TNFSF11: variants seen among roughly 807,000 people sequenced by gnomAD.
TNFSF11 encodes tumor necrosis factor ligand superfamily member 11.
A neutral mutation model predicts 32.2 loss-of-function variants in TNFSF11; 12 were observed. That is an observed-to-expected ratio of 0.37 (90% CI 0.24 to 0.60). The LOEUF (loss-of-function observed/expected upper bound fraction) is 0.60, where lower values mean the gene tolerates loss of function less well. Among genes scored for constraint, TNFSF11 ranks in the 20% least tolerant of loss-of-function variants. The pLI is 0.66. For synonymous variants in TNFSF11, 172 were observed against 152.1 expected, an observed-to-expected ratio of 1.13 and a Z score of -0.96; for missense variants, 345 against 398.0, an observed-to-expected ratio of 0.87 and a Z score of 1.13.
rs1399953510 is a variant in TNFSF11 at position 42,574,435 on chromosome 13, C to T, written c.132C>T (p.Ala44=). 6.2e-6 allele frequency: 10 copies of T among 1,604,856 alleles called. No homozygotes were observed. The highest frequency in any genetic ancestry group is 8.5e-6 in the Non-Finnish European group (10 of 1,178,566). ...CTGCGCCGCACCAGCCCCCTGCCGC[C>T]TCCCGCTCCATGTTCGTGGCCCTCC... ...PPPAPHQPPA[A]SRSMFVALLG... is the part of the protein sequence containing the mutation. The change falls in exon 1 of 5, where the codon GCC becomes GCT. Residue 44 remains alanine (A), a synonymous_variant. Coordinates refer to ENST00000398795, the MANE Select transcript of TNFSF11 (RefSeq NM_003701.4).
At chr13:42,570,834 C>A (rs78766370), upstream of TNFSF11, among the ~76,000 whole-genome samples, 1 of 152,136 alleles carries the variant, frequency 6.6e-6, no homozygotes, top group African/African-American at 2.4e-5. Context: ...TGCCTAAGAG[C>A]TTTCGCTGAC....
rs1358495097 is a variant in TNFSF11 at position 42,600,857 on chromosome 13, A to G, written c.434-26A>G. ...ACAGGGTCACTACTATTTTGGCTAT[A>G]ATAATATGGTTTCTCTCATCTCCAG... On this transcript the variant is annotated intron_variant, in intron 3 of 4. Coordinates refer to ENST00000398795, the MANE Select transcript of TNFSF11 (RefSeq NM_003701.4). 10 of 1,613,970 alleles carry G rather than the reference A, an allele frequency of 6.2e-6. 1 individual carries two copies. In the Admixed American group the frequency reaches 1.7e-4, roughly 27 times the overall value.
intron 2 of TNFSF11, among the ~76,000 whole-genome samples, chr13:42,588,213 T>C (rs1873991391): frequency 6.6e-6 from 1 of 152,096 alleles, no homozygotes; most frequent in Non-Finnish European, 1.5e-5. Flanking sequence ...ACCCACAGAG[T>C]TTTCCTACAA....
chr13:42,570,775 C>A (rs1396635066), upstream of TNFSF11, among the ~76,000 whole-genome samples: 1 of 152,108 alleles, frequency 6.6e-6, no homozygotes, highest in Non-Finnish European at 1.5e-5. Context: ...GGTTTTTACT[C>A]TGGGAGTAGT....
intron 2 of TNFSF11, among the ~76,000 whole-genome samples, chr13:42,596,231 A>C (rs1452107801): frequency 6.6e-6 from 1 of 152,012 alleles, no homozygotes; most frequent in Non-Finnish European, 1.5e-5. Flanking sequence ...TGCAGGTCTT[A>C]GTCTTGGGGG....
intron 2 of TNFSF11, among the ~76,000 whole-genome samples, chr13:42,588,001 G>A (rs1447155367): frequency 6.6e-6 from 1 of 152,214 alleles, no homozygotes; most frequent in African/African-American, 2.4e-5. Context: ...ACAAGAGTAT[G>A]TGTCCGAAGA....
intron 2 of TNFSF11, among the ~76,000 whole-genome samples, chr13:42,568,739 C>T: frequency 6.6e-6 from 1 of 152,128 alleles, no homozygotes; most frequent in South Asian, 2.1e-4. Context: ...AAGACAAAGC[C>T]CACCAGTTTC....
Position 42,606,513 on chromosome 13 carries a change from T to C in TNFSF11, c.549T>C (p.Ser183=), listed in dbSNP as rs1175558962. Residue 183 remains serine (S), a synonymous_variant, in exon 5 of 5, where the codon AGT becomes AGC. Transcript: ENST00000398795. ...TCTCCACAGGTTCCCATAAAGTGAGTCTGTCCTCTTGGTACCATGATCGGG... is the reference window on the plus strand; with the variant it reads ...TCTCCACAGGTTCCCATAAAGTGAGCCTGTCCTCTTGGTACCATGATCGGG... ...TDIPSGSHKV[S]LSSWYHDRGW... 6.2e-7 allele frequency: 1 copy of C among 1,614,240 alleles called. No individual in the cohort carries two copies. The highest frequency in any genetic ancestry group is 8.5e-7 in the Non-Finnish European group (1 of 1,180,052).
chr13:42,588,795 C>T (rs943916441), intron 2 of TNFSF11, among the ~76,000 whole-genome samples: 1 of 152,164 alleles, frequency 6.6e-6, no homozygotes, highest in African/African-American at 2.4e-5. Context: ...CACTGGTGGA[C>T]AGGGAAGCCA....
chr13:42,570,623 G>T (rs949923286), upstream of TNFSF11, among the ~76,000 whole-genome samples: 5 of 152,040 alleles, frequency 3.3e-5, no homozygotes, highest in African/African-American at 1.2e-4. Context: ...TTGATATATT[G>T]TTAAAATAAA....
At chr13:42,595,959 A>G (rs1032298652) in intron 2 of TNFSF11, among the ~76,000 whole-genome samples, 2 of 152,266 alleles carry the variant, frequency 1.3e-5, no homozygotes, top group African/African-American at 4.8e-5. Flanking sequence ...TAGAGGACTA[A>G]TGTGGATGAA....
rs536995344 is a variant in TNFSF11 at position 42,607,757 on chromosome 13, C to T, written c.*839C>T. 2.0e-5 allele frequency: 3 copies of T among 152,832 alleles called. No individual in the cohort carries two copies. The East Asian group carries it at 5.6e-4, about 29-fold the overall frequency. The allele number at this position is 152,832 out of a possible 1,614,324, so 9.5% of individuals were successfully genotyped here. A position where few individuals can be genotyped will look rare whatever the true frequency, so the allele number is the denominator to read the frequency against. ...TTAGAAACTAATTGACTTTAGAAAGCTGACATTGCCAAAAAGGATACATAA... is the reference window on the plus strand; with the variant it reads ...TTAGAAACTAATTGACTTTAGAAAGTTGACATTGCCAAAAAGGATACATAA... On this transcript the variant is annotated 3_prime_UTR_variant, in exon 5 of 5. Coordinates refer to ENST00000398795, the MANE Select transcript of TNFSF11 (RefSeq NM_003701.4).
At chr13:42,566,918 G>A (rs1872890738) in intron 2 of TNFSF11, among the ~76,000 whole-genome samples, 1 of 152,102 alleles carries the variant, frequency 6.6e-6, no homozygotes, top group African/African-American at 2.4e-5. Flanking sequence ...GCTTGAACCG[G>A]GGGGCAGAGG....
chr13:42,588,219 T>C (rs192326378), intron 2 of TNFSF11, among the ~76,000 whole-genome samples: 3 of 152,360 alleles, frequency 2.0e-5, no homozygotes, highest in Admixed American at 1.3e-4. Context: ...AGAGTTTTCC[T>C]ACAAAACCAA....
chr13:42,580,811 C>G (rs1452949136), intron 1 of TNFSF11, among the ~76,000 whole-genome samples: 2 of 152,156 alleles, frequency 1.3e-5, no homozygotes, highest in East Asian at 3.9e-4. Flanking sequence ...TGCCCCTCCC[C>G]TCTATGAACA....
At chr13:42,583,761 A>G (rs2137873457) in intron 2 of TNFSF11, among the ~76,000 whole-genome samples, 1 of 152,272 alleles carries the variant, frequency 6.6e-6, no homozygotes, top group Non-Finnish European at 1.5e-5. Flanking sequence ...AGTCAGGAAC[A>G]TGACCAAGAT....
In TNFSF11 at chr13:42,574,445, A is replaced by G. The variant is rs781638608; in HGVS notation, c.142A>G (p.Met48Val). ...PHQPPAASRS[M>V]FVALLGLGLG... ...CCAGCCCCCTGCCGCCTCCCGCTCC[A>G]TGTTCGTGGCCCTCCTGGGGCTGGG... The change falls in exon 1 of 5, where the codon ATG becomes GTG. Residue 48 changes from methionine (M) to valine (V), a missense_variant. Physicochemically the swap from Met to Val is conservative, Grantham distance 21 (BLOSUM62 1). Transcript: ENST00000398795. 1.9e-6 allele frequency: 3 copies of G among 1,607,452 alleles called. No individual in the cohort carries two copies. Among genetic ancestry groups the G allele is most frequent in the Admixed American group, 1.7e-5 (1 of 59,906 alleles).
upstream of TNFSF11, among the ~76,000 whole-genome samples, chr13:42,569,547 CAAA>C (rs71298952): frequency 3.0e-5 from 4 of 134,180 alleles, no homozygotes; most frequent in Admixed American, 1.5e-4. Context: ...CACTCTGTCT[CAAA>C]AAAAAAAAAA....
intron 1 of TNFSF11, among the ~76,000 whole-genome samples, chr13:42,578,547 GCAATTATTC>G (rs1308297603): frequency 6.6e-6 from 1 of 152,208 alleles, no homozygotes; most frequent in Non-Finnish European, 1.5e-5. Flanking sequence ...TATATTAAAA[GCAATTATTC>G]CATGCATTCT....
Sources: gnomAD v4.1 joint callset for allele counts (sites outside exome capture counted in the v4.1 genomes callset) on GRCh38, gnomAD v4.1.1 for gene constraint, MANE v1.5 for transcripts, NCBI Gene and HGNC (gene_info 2026-07-23, HGNC 2026-07-21) for gene names.